Variants in FAM149B1 observed in about 807,000 individuals in gnomAD.
The protein encoded by FAM149B1 is family with sequence similarity 149 member B1, also known as primary cilium assembly protein FAM149B1.
In FAM149B1, 56 loss-of-function variants were observed where a neutral mutation model predicts 75.3. That is an observed-to-expected ratio of 0.74 (90% CI 0.60 to 0.93). The LOEUF (loss-of-function observed/expected upper bound fraction) is 0.93. Among genes scored for constraint, FAM149B1 ranks in the 40% least tolerant of loss-of-function variants. The pLI, the probability that FAM149B1 is intolerant of heterozygous loss-of-function variation, is 0.00. For synonymous variants in FAM149B1, 259 were observed against 256.1 expected (o/e 1.01, Z -0.11); for missense variants, 639 against 708.4 (o/e 0.90, Z 1.11).
At chr10:73,215,295 GATGA>G (rs1388969820) in intron 7 of FAM149B1, among the ~76,000 whole-genome samples, 2 of 152,132 alleles carry the variant, frequency 1.3e-5, no homozygotes, top group East Asian at 3.8e-4. Flanking sequence ...AAAGTACTGA[GATGA>G]CAGGCATGAG....
At chr10:73,212,423 G>C (rs1385104895) in intron 7 of FAM149B1, among the ~76,000 whole-genome samples, 1 of 152,130 alleles carries the variant, frequency 6.6e-6, no homozygotes, top group African/African-American at 2.4e-5. Context: ...TGGGATTACA[G>C]GTGTGCACCA....
Position 73,243,994 on chromosome 10 carries a change from CAAAA to C in FAM149B1, c.*2976_*2979del. The stretch of plus-strand genomic sequence containing the variant: ...AATGCTTAAAATACATACTCTTTCC[CAAAA>C]GCAAATCTATAATTCTGTTTCAATT... On this transcript the variant is annotated 3_prime_UTR_variant, in exon 14 of 14. Coordinates refer to ENST00000242505, the MANE Select transcript of FAM149B1 (RefSeq NM_173348.2). 2 of 1,312,526 alleles carry C rather than the reference CAAAA, an allele frequency of 1.5e-6. No individual in the cohort carries two copies. The highest frequency in any genetic ancestry group is 2.2e-6 in the Non-Finnish European group (2 of 924,248). The allele number at this position is 1,312,526 out of a possible 1,614,324, so 81.3% of individuals were successfully genotyped here.
At chr10:73,238,581 C>A (rs1334587860) in intron 12 of FAM149B1, among the ~76,000 whole-genome samples, 1 of 152,240 alleles carries the variant, frequency 6.6e-6, no homozygotes, top group Non-Finnish European at 1.5e-5. Flanking sequence ...GTAATTGCAA[C>A]AACCACCCTA....
In FAM149B1 at chr10:73,240,981, G is replaced by A. The variant is rs12573841; in HGVS notation, c.1711G>A (p.Gly571Arg). The change falls in exon 14 of 14, where the codon GGA (glycine) becomes AGA (arginine). Residue 571 changes from glycine to arginine, a missense_variant. By Grantham distance (125) the Gly-to-Arg change is moderately radical. Transcript: ENST00000242505. ...ACATGGGTCTACAAAATCTCAAAGCGGAGGCAGACCAGTCTCTCGAACCAG... is the reference window on the plus strand; with the variant it reads ...ACATGGGTCTACAAAATCTCAAAGCAGAGGCAGACCAGTCTCTCGAACCAG... ...QLHGSTKSQS[G>R]GRPVSRTRQG... 0.075 allele frequency: 112,967 copies of A among 1,499,480 alleles called. 6,597 individuals are homozygous for A. The highest frequency in any genetic ancestry group is 0.33 in the East Asian group (11,686 of 35,864). The allele number at this position is 1,499,480 out of a possible 1,614,324, so 92.9% of individuals were successfully genotyped here.
chr10:73,235,107 A>C, intron 11 of FAM149B1, 86 bp from the exon 12 acceptor site: 1 of 1,468,828 alleles, frequency 6.8e-7, no homozygotes, highest in East Asian at 2.5e-5. Context: ...TGCACTTACC[A>C]TATCTGCCAT....
chr10:73,196,343 A>G (rs1013101112), intron 5 of FAM149B1, among the ~76,000 whole-genome samples: 3 of 150,280 alleles, frequency 2.0e-5, no homozygotes, highest in African/African-American at 7.4e-5. Flanking sequence ...TTTTGAAGAG[A>G]TGGGGTCTTG....
intron 7 of FAM149B1, among the ~76,000 whole-genome samples, chr10:73,224,387 C>T (rs2043486393): frequency 6.6e-6 from 1 of 151,996 alleles, no homozygotes; most frequent in Non-Finnish European, 1.5e-5. Context: ...AGAAACTACC[C>T]ACATGTCCAT....
At chr10:73,234,688 CA>C in intron 10 of FAM149B1, 128 bp from the exon 11 acceptor site, 1 of 979,166 alleles carries the variant, frequency 1.0e-6, no homozygotes, top group Non-Finnish European at 1.5e-6. Flanking sequence ...TACTTGAAAA[CA>C]TAGGTAGCCT....
rs148442393 is a variant in FAM149B1, at chr10:73,168,302, C to A, written c.-38C>A. The stretch of plus-strand genomic sequence containing the variant: ...CCCACCCTGGCGTGCCTGCCCCGGC[C>A]GCGGCTGAGGAGGAGGAGGAGGAGG... On this transcript the variant is annotated 5_prime_UTR_variant, in exon 1 of 14. Transcript: ENST00000242505. 1.7e-4 allele frequency: 269 copies of A among 1,543,978 alleles called. 2 individuals are homozygous for A. In the African/African-American group the frequency reaches 2.1e-3, roughly 12 times the overall value.
In FAM149B1 at chr10:73,241,139, T is replaced by C. The variant is rs2043943637; in HGVS notation, c.*120T>C. 1 of 702,226 alleles carries C rather than the reference T, an allele frequency of 1.4e-6. No individual in the cohort carries two copies. The highest frequency in any genetic ancestry group is 2.5e-6 in the Non-Finnish European group (1 of 395,278). 43.5% of individuals were successfully genotyped at this position (702,226 alleles called of 1,614,324 possible). ...GACTAGAAATCATCTTCATGAAGAG[T>C]GATTTTGGCACAAGTGACCGAAGAA... On this transcript the variant is annotated 3_prime_UTR_variant, in exon 14 of 14. Coordinates refer to ENST00000242505, the MANE Select transcript of FAM149B1 (RefSeq NM_173348.2).
At chr10:73,231,131 A>C (rs2043687755) in intron 9 of FAM149B1, 1 of 152,380 alleles carries the variant, frequency 6.6e-6, no homozygotes, top group Non-Finnish European at 1.5e-5. Context: ...TTTGAGTGTC[A>C]GGTTTTTGGG....
At chr10:73,204,944 A>ATATTTT (rs2043020231) in intron 5 of FAM149B1, among the ~76,000 whole-genome samples, 1 of 36,576 alleles carries the variant, frequency 2.7e-5, no homozygotes, top group Admixed American at 4.9e-4. Flanking sequence ...TGCCTGGCTA[A>ATATTTT]TTTTTTTTTT....
At chr10:73,199,857 G>A in intron 5 of FAM149B1, 1 of 176,744 alleles carries the variant, frequency 5.7e-6, no homozygotes. Flanking sequence ...TATAACAGCA[G>A]AGAACATGGA....
chr10:73,224,791 C>G (rs368942117), intron 7 of FAM149B1, among the ~76,000 whole-genome samples: 2 of 152,162 alleles, frequency 1.3e-5, no homozygotes, highest in African/African-American at 4.8e-5. Context: ...TTTTGAAAAA[C>G]AGGCAGTAGT....
intron 5 of FAM149B1, among the ~76,000 whole-genome samples, chr10:73,206,942 CAA>C (rs1314788312): frequency 6.7e-6 from 1 of 148,186 alleles, no homozygotes; most frequent in Admixed American, 6.7e-5. Flanking sequence ...AACAAACAAA[CAA>C]ATGTTGCAAG....
intron 2 of FAM149B1, among the ~76,000 whole-genome samples, chr10:73,175,275 T>C (rs1843899864): frequency 6.6e-6 from 1 of 152,046 alleles, no homozygotes; most frequent in African/African-American, 2.4e-5. Context: ...GAAGCTGACA[T>C]GGGAAGATTG....
chr10:73,187,392 A>G (rs982783552), intron 3 of FAM149B1, among the ~76,000 whole-genome samples: 1 of 109,302 alleles, frequency 9.1e-6, no homozygotes, highest in South Asian at 2.5e-4. Flanking sequence ...CCAGATTAGT[A>G]AAAAAAAAAA....
At position 73,205,475 on chromosome 10, in the gene FAM149B1, C is replaced by T. The variant is rs150312624; in HGVS notation, c.543-3144C>T. On this transcript the variant is annotated intron_variant, in intron 5 of 13. Transcript: ENST00000242505. ...CACTATTAGCACTATGCTTCCTGTACAACCTGCAGAGCCATAAGCCAATTA... is the reference window on the plus strand; with the variant it reads ...CACTATTAGCACTATGCTTCCTGTATAACCTGCAGAGCCATAAGCCAATTA... 5.7e-3 allele frequency among the ~76,000 whole-genome samples: 871 copies of T among 152,302 alleles called. 8 individuals are homozygous for T. Among genetic ancestry groups the T allele is most frequent in the African/African-American group, 0.02 (820 of 41,558 alleles).
At chr10:73,208,901 T>C (rs2043126526) in intron 6 of FAM149B1, 115 bp downstream of exon 6, 4 of 639,308 alleles carry the variant, frequency 6.3e-6, no homozygotes, top group Non-Finnish European at 9.1e-6. Context: ...GTTTCTGTTA[T>C]TTATTTTATG....
Sources: allele counts gnomAD v4.1 joint callset (sites outside exome capture counted in the v4.1 genomes callset), GRCh38; gene constraint gnomAD v4.1.1; transcripts MANE v1.5; gene names NCBI Gene and HGNC (gene_info 2026-07-23, HGNC 2026-07-21).